The following CCDC149 variants were observed in gnomAD, a reference collection of about 807,000 sequenced individuals.
CCDC149 encodes coiled-coil domain-containing protein 149.
In CCDC149, 45 loss-of-function variants were observed where a neutral mutation model predicts 59.9. The observed-to-expected ratio is 0.75, with a 90% CI of 0.59 to 0.96. The LOEUF (loss-of-function observed/expected upper bound fraction) is 0.96. Ranked by LOEUF, CCDC149 falls within the 40% of genes least tolerant of loss-of-function variation. The probability of loss-of-function intolerance (pLI) is 0.00; values close to 1 mark genes in which losing one functional copy is unlikely to be tolerated. For missense variants in CCDC149, 584 were observed against 664.7 expected (o/e 0.88, Z 1.33); for synonymous variants, 245 against 260.6 (o/e 0.94, Z 0.58).
At chr4:24,851,909 T>C (rs1040099035) in intron 4 of CCDC149, among the ~76,000 whole-genome samples, 32 of 152,112 alleles carry the variant, frequency 2.1e-4, no homozygotes, top group African/African-American at 7.5e-4. Flanking sequence ...GGACATTCTT[T>C]CCCACCTTCT....
downstream of CCDC149, among the ~76,000 whole-genome samples, chr4:24,805,203 T>C (rs13149557): frequency 0.43 from 65,125 of 152,014 alleles, 15,250 homozygotes; most frequent in East Asian, 0.63. Context: ...TTAAGAGACC[T>C]GTCAGCTCTG....
chr4:24,961,048 G>A (rs1433234717), intron 1 of CCDC149, among the ~76,000 whole-genome samples: 2 of 152,178 alleles, frequency 1.3e-5, no homozygotes, highest in Non-Finnish European at 2.9e-5. Context: ...GATCTGAACA[G>A]CAATAGAATA....
At chr4:24,850,127 T>C (rs553638637) in intron 4 of CCDC149, among the ~76,000 whole-genome samples, 1 of 152,364 alleles carries the variant, frequency 6.6e-6, no homozygotes, top group East Asian at 1.9e-4. Flanking sequence ...ATTTCTTGCA[T>C]ACTTTTTTTT....
Position 24,837,396 on chromosome 4 carries a change from T to A in CCDC149, c.494A>T (p.Glu165Val). The A allele has an allele frequency of 6.2e-7, 1 of 1,614,126 alleles. No homozygotes were observed. The highest frequency in any genetic ancestry group is 8.5e-7 in the Non-Finnish European group (1 of 1,179,990). The change falls in exon 6 of 13, where the codon GAG becomes GTG. Residue 165 changes from glutamate to valine, a missense_variant. Physicochemically the swap from Glu to Val is moderately radical, Grantham distance 121. Transcript: ENST00000635206. This position sits in a 1 kb window ranked among gnomAD's most constrained non-coding sequence, Gnocchi z 4.3. ...AGCCTGCAGGTCGTGCTCCAGAGACTCAATCTAAAACCACAGGGAGAGCCC... is the reference window on the plus strand; with the variant it reads ...AGCCTGCAGGTCGTGCTCCAGAGACACAATCTAAAACCACAGGGAGAGCCC...
intron 1 of CCDC149, among the ~76,000 whole-genome samples, chr4:24,912,227 C>T (rs1250694188): frequency 6.6e-6 from 1 of 152,256 alleles, no homozygotes; most frequent in Non-Finnish European, 1.5e-5. Context: ...AATCGAATCA[C>T]TTCTGCACCT....
intron 3 of CCDC149, among the ~76,000 whole-genome samples, chr4:24,861,602 C>T (rs961325254): frequency 1.3e-5 from 2 of 149,346 alleles, no homozygotes; most frequent in African/African-American, 5.0e-5. Flanking sequence ...CTCATGTAAC[C>T]AAACACAACT....
chr4:24,844,474 T>G (rs1041024695), intron 4 of CCDC149, among the ~76,000 whole-genome samples: 1 of 152,110 alleles, frequency 6.6e-6, no homozygotes, highest in Non-Finnish European at 1.5e-5. Flanking sequence ...GGGAACCATG[T>G]ACAAATCAAT....
chr4:24,919,091 A>T (rs995113967), intron 1 of CCDC149, among the ~76,000 whole-genome samples: 1 of 152,160 alleles, frequency 6.6e-6, no homozygotes, highest in African/African-American at 2.4e-5. Flanking sequence ...CATATGACAC[A>T]ATGGTTGCCA....
chr4:24,947,872 G>C (rs952884291), intron 1 of CCDC149, among the ~76,000 whole-genome samples: 11 of 152,106 alleles, frequency 7.2e-5, no homozygotes, highest in South Asian at 6.2e-4. Context: ...GATTATGGCA[G>C]AGCCATCCGC....
intron 1 of CCDC149, among the ~76,000 whole-genome samples, chr4:24,948,619 C>T (rs552346410): frequency 6.6e-6 from 1 of 152,294 alleles, no homozygotes; most frequent in African/African-American, 2.4e-5. Flanking sequence ...ACAACTCCCT[C>T]CCTCCCAGGC....
chr4:24,831,665 A>G lies in CCDC149; in HGVS notation c.821-15T>C. The stretch of plus-strand genomic sequence containing the variant: ...CAGATCCTGAACTAGATAGGATACA[A>G]AATGTATAACTCAGTCGTCATTCTT... On this transcript the variant is annotated splice_polypyrimidine_tract_variant and intron_variant, in intron 8 of 12. Transcript: ENST00000635206. 3 of 1,610,626 alleles carry G rather than the reference A, an allele frequency of 1.9e-6. No individual in the cohort carries two copies. The South Asian group carries it at 3.3e-5, about 18-fold the overall frequency.
intron 9 of CCDC149, among the ~76,000 whole-genome samples, chr4:24,826,735 TAGA>T (rs1406682465): frequency 6.6e-6 from 1 of 152,046 alleles, no homozygotes; most frequent in Non-Finnish European, 1.5e-5. Context: ...AGAGGCAACT[TAGA>T]AGATGTGCCT....
At chr4:24,895,487 A>G (rs1300032524) in intron 1 of CCDC149, among the ~76,000 whole-genome samples, 1 of 152,102 alleles carries the variant, frequency 6.6e-6, no homozygotes, top group Non-Finnish European at 1.5e-5. Context: ...ATGTATCTGT[A>G]TTTTCTAAAT....
At chr4:24,839,028 TCACACA>T (rs56226858) in intron 4 of CCDC149, among the ~76,000 whole-genome samples, 34 of 132,116 alleles carry the variant, frequency 2.6e-4, no homozygotes, top group African/African-American at 7.4e-4. Flanking sequence ...TCTCTCTCTC[TCACACA>T]CACACACACA....
rs183668225 is a variant in CCDC149 at position 24,938,478 on chromosome 4, C to T, written c.-65+41591G>A. Among the ~76,000 whole-genome samples the T allele has an allele frequency of 4.1e-3, 626 of 152,276 alleles. 7 individuals are homozygous for T. Among genetic ancestry groups the T allele is most frequent in the African/African-American group, 0.014 (584 of 41,548 alleles). On this transcript the variant is annotated intron_variant, in intron 1 of 12. Coordinates refer to the CCDC149 transcript ENST00000389609. ...TCTACAGCTCCCAGCGTAAGCGATGCAGAAGACAGGTGATTTCTGCATTTC... is the reference window on the plus strand; with the variant it reads ...TCTACAGCTCCCAGCGTAAGCGATGTAGAAGACAGGTGATTTCTGCATTTC...
At chr4:24,968,908 C>T (rs969599743) in intron 1 of CCDC149, among the ~76,000 whole-genome samples, 1 of 152,312 alleles carries the variant, frequency 6.6e-6, no homozygotes, top group South Asian at 2.1e-4. Context: ...AATAGGTCAT[C>T]AGAAAGAGAT....
chr4:24,977,415 C>T (rs10004137), intron 1 of CCDC149, among the ~76,000 whole-genome samples: 29,800 of 152,042 alleles, frequency 0.2, 4,508 homozygotes, highest in African/African-American at 0.42. Context: ...AAACCACGTG[C>T]ATTCATTTTA....
intron 1 of CCDC149, among the ~76,000 whole-genome samples, chr4:24,886,753 T>C (rs959986028): frequency 3.3e-5 from 5 of 151,960 alleles, no homozygotes; most frequent in African/African-American, 9.7e-5. Flanking sequence ...AACACAGGAG[T>C]GCATAGGAGC....
chr4:24,892,640 A>G (rs1007132796), intron 1 of CCDC149, among the ~76,000 whole-genome samples: 5 of 152,190 alleles, frequency 3.3e-5, no homozygotes, highest in African/African-American at 1.2e-4. Flanking sequence ...TTTGATCCTC[A>G]CAAGGAGGCC....
Sources: allele counts gnomAD v4.1 joint callset (sites outside exome capture counted in the v4.1 genomes callset), GRCh38; gene constraint gnomAD v4.1.1; non-coding constraint Gnocchi (gnomAD v3.1); transcripts MANE v1.5; gene names NCBI Gene and HGNC (gene_info 2026-07-23, HGNC 2026-07-21).